The following ANK2 variants were observed in gnomAD, a reference collection of about 807,000 sequenced individuals.
ANK2 encodes ankyrin-2.
A neutral mutation model predicts 360.5 loss-of-function variants in ANK2; 83 were observed. That is an observed-to-expected ratio of 0.23 (90% CI 0.19 to 0.28). ANK2 has a LOEUF of 0.28. Ranked by LOEUF, ANK2 falls within the 10% of genes least tolerant of loss-of-function variation. The pLI, the probability that ANK2 is intolerant of heterozygous loss-of-function variation, is 1.00. For missense variants in ANK2, 4,201 were observed against 4,795.7 expected, an observed-to-expected ratio of 0.88 and a Z score of 3.66; for synonymous variants, 1,740 against 1,759.5, an observed-to-expected ratio of 0.99 and a Z score of 0.28.
intron 2 of ANK2, among the ~76,000 whole-genome samples, chr4:113,004,656 G>A (rs528013159): frequency 1.3e-5 from 2 of 152,286 alleles, no homozygotes; most frequent in South Asian, 4.1e-4. Flanking sequence ...AGAATAAAAA[G>A]TATGGTATAG....
At chr4:112,733,782 G>C in the ANK2 span, among the ~76,000 whole-genome samples, 3 of 152,048 alleles carry the variant, frequency 2.0e-5, no homozygotes, top group Non-Finnish European at 4.4e-5. Flanking sequence ...TTGTTTGTTT[G>C]TTTGTTTTTT....
At position 113,358,035 on chromosome 4, in the gene ANK2, G is replaced by A; in HGVS notation, c.9417G>A (p.Arg3139=). ...FHFFQIGQES[R]EETLSEDVKE... Reference sequence around the variant, plus strand: ...TTTTCCAAATTGGTCAAGAATCCAGGGAAGAGACTCTCTCTGAAGATGTGA... The same window carrying A: ...TTTTCCAAATTGGTCAAGAATCCAGAGAAGAGACTCTCTCTGAAGATGTGA... The change falls in exon 38 of 46, where the codon AGG becomes AGA. Residue 3139 remains arginine, a synonymous_variant. Coordinates refer to ENST00000357077, the MANE Select transcript of ANK2 (RefSeq NM_001148.6). The A allele has an allele frequency of 6.2e-7, 1 of 1,614,028 alleles. No individual in the cohort carries two copies. Among genetic ancestry groups the A allele is most frequent in the South Asian group, 1.1e-5 (1 of 91,082 alleles).
At chr4:113,333,591 A>G (rs2092961423) in intron 29 of ANK2, among the ~76,000 whole-genome samples, 1 of 152,214 alleles carries the variant, frequency 6.6e-6, no homozygotes, top group South Asian at 2.1e-4. Context: ...ATGATTTAAA[A>G]CAATGCCTAA....
intron 1 of ANK2, among the ~76,000 whole-genome samples, chr4:113,058,359 A>G (rs2071224587): frequency 6.6e-6 from 1 of 152,164 alleles, no homozygotes; most frequent in Admixed American, 6.6e-5. Flanking sequence ...TTTTATAAGT[A>G]TTTTAATGTA....
intron 1 of ANK2, among the ~76,000 whole-genome samples, chr4:112,843,672 A>AT (rs1046007314): frequency 3.3e-5 from 5 of 152,076 alleles, no homozygotes; most frequent in East Asian, 1.9e-4. Flanking sequence ...AAAAATGAAA[A>AT]TTTTTTTTCT....
intron 18 of ANK2, among the ~76,000 whole-genome samples, chr4:113,286,927 C>T (rs2064940328): frequency 6.6e-6 from 1 of 152,170 alleles, no homozygotes; most frequent in Non-Finnish European, 1.5e-5. Context: ...GCCACTTTCC[C>T]CCATCTTTTC....
chr4:113,210,195 T>C (rs979998650), intron 4 of ANK2, among the ~76,000 whole-genome samples: 1 of 152,208 alleles, frequency 6.6e-6, no homozygotes, highest in African/African-American at 2.4e-5. Flanking sequence ...TTTATTTCTA[T>C]GCTTGGGGAG....
At position 113,358,981 on chromosome 4, in the gene ANK2, G is replaced by A. The variant is rs766996807; in HGVS notation, c.10363G>A (p.Gly3455Arg). 3 of 1,614,078 alleles carry A rather than the reference G, an allele frequency of 1.9e-6. No homozygotes were observed. The highest frequency in any genetic ancestry group is 2.5e-6 in the Non-Finnish European group (3 of 1,179,974). ...CAGAAGCACTACATCTTCCTGCAGGGGGGGCACGAGCCCCACAAAAGAAAG... is the reference window on the plus strand; with the variant it reads ...CAGAAGCACTACATCTTCCTGCAGGAGGGGCACGAGCCCCACAAAAGAAAG... The part of the protein sequence containing the change: ...KSRSTTSSCR[G>R]GTSPTKESKE... Residue 3455 changes from glycine (G) to arginine (R), a missense_variant, in exon 38 of 46, where the codon GGG becomes AGG. This residue lies in a region of ANK2 where 2,642 missense variants were observed against 2,714.5 expected (regional missense o/e 0.97). Coordinates refer to ENST00000357077, the MANE Select transcript of ANK2 (RefSeq NM_001148.6).
intron 1 of ANK2, among the ~76,000 whole-genome samples, chr4:113,095,318 C>G (rs1044680581): frequency 5.3e-5 from 8 of 151,888 alleles, no homozygotes; most frequent in African/African-American, 1.9e-4. Flanking sequence ...TATTATTTAC[C>G]TTTTTTCCTT....
intron 4 of ANK2, among the ~76,000 whole-genome samples, chr4:113,200,999 C>G (rs754279748): frequency 6.6e-6 from 1 of 152,036 alleles, no homozygotes; most frequent in East Asian, 1.9e-4. Context: ...AACAAACCTG[C>G]ATGTTGTGCA....
At chr4:113,030,766 A>G (rs1351976992) in intron 2 of ANK2, among the ~76,000 whole-genome samples, 1 of 152,138 alleles carries the variant, frequency 6.6e-6, no homozygotes, top group Non-Finnish European at 1.5e-5. Context: ...TGTTAAAAAA[A>G]TAATCCAAAT....
chr4:112,793,101 T>G, the ANK2 span, among the ~76,000 whole-genome samples: 2 of 152,172 alleles, frequency 1.3e-5, no homozygotes, highest in Non-Finnish European at 2.9e-5. Flanking sequence ...TATTAAAAAC[T>G]TATAGGTATT....
rs1448425195 is a variant in ANK2, at chr4:113,312,288, AAAAAG to A, written c.2693+903_2693+907del. On this transcript the variant is annotated intron_variant, in intron 24 of 45. Coordinates refer to ENST00000357077, the MANE Select transcript of ANK2 (RefSeq NM_001148.6). Reference sequence around the variant, plus strand: ...ACTGTCTCTTGAGACAGAAAAAAAAAAAAAGAAAAGAAAAGAAAGTTTGTCCACGT... The same window carrying A: ...ACTGTCTCTTGAGACAGAAAAAAAAAAAAAGAAAAGAAAGTTTGTCCACGT... Among the ~76,000 whole-genome samples the A allele has an allele frequency of 1.1e-3, 173 of 150,468 alleles. 1 individual carries two copies. Among genetic ancestry groups the A allele is most frequent in the Non-Finnish European group, 2.1e-3 (144 of 67,938 alleles).
At chr4:113,059,516 A>G (rs563152158) in intron 1 of ANK2, among the ~76,000 whole-genome samples, 1 of 152,260 alleles carries the variant, frequency 6.6e-6, no homozygotes, top group East Asian at 1.9e-4. Flanking sequence ...TATAAACATC[A>G]GTTCTGTTCA....
intron 2 of ANK2, among the ~76,000 whole-genome samples, chr4:112,910,941 T>C (rs887491357): frequency 6.6e-6 from 1 of 151,364 alleles, no homozygotes; most frequent in African/African-American, 2.4e-5. Flanking sequence ...TTTGAAGACT[T>C]TTGTTTATTA....
At chr4:112,781,672 T>C in the ANK2 span, among the ~76,000 whole-genome samples, 1 of 152,096 alleles carries the variant, frequency 6.6e-6, no homozygotes, top group Non-Finnish European at 1.5e-5. Flanking sequence ...ATTACATAAG[T>C]ATGTTCATTT....
intron 23 of ANK2, among the ~76,000 whole-genome samples, chr4:113,303,283 C>G (rs1171345709): frequency 6.6e-6 from 1 of 152,130 alleles, no homozygotes; most frequent in East Asian, 1.9e-4. Flanking sequence ...CTGGTTGGTT[C>G]ATATGTACAG....
At chr4:112,890,589 C>T (rs184703460) in intron 1 of ANK2, among the ~76,000 whole-genome samples, 909 of 52,220 alleles carry the variant, frequency 0.017, 8 homozygotes, top group African/African-American at 0.064. Flanking sequence ...TTTTTTGAGA[C>T]GGAGTTTCGC....
At chr4:112,733,321 A>G in the ANK2 span, among the ~76,000 whole-genome samples, 2 of 152,290 alleles carry the variant, frequency 1.3e-5, no homozygotes, top group South Asian at 2.1e-4. Flanking sequence ...ATATGATTAT[A>G]TATTAAGTGC....
Sources: allele counts gnomAD v4.1 joint callset (sites outside exome capture counted in the v4.1 genomes callset), GRCh38; gene constraint gnomAD v4.1.1; regional missense constraint gnomAD v4.1.1; transcripts MANE v1.5; gene names NCBI Gene and HGNC (gene_info 2026-07-23, HGNC 2026-07-21).